The following ST3GAL1 variants were observed in gnomAD, a reference collection of about 807,000 sequenced individuals.
ST3GAL1 encodes the protein ST3 beta-galactoside alpha-2,3-sialyltransferase 1.
Under a neutral mutation model 34.1 loss-of-function variants are expected in ST3GAL1, and 16 were observed. That is an observed-to-expected ratio of 0.47 (90% CI 0.32 to 0.71). The LOEUF (loss-of-function observed/expected upper bound fraction) is 0.71. ST3GAL1 is among the 30% of genes least tolerant of loss of function. The pLI is 0.04. For synonymous variants in ST3GAL1, 191 were observed against 184.7 expected, an observed-to-expected ratio of 1.03 and a Z score of -0.28; for missense variants, 353 against 447.4, an observed-to-expected ratio of 0.79 and a Z score of 1.90.
chr8:133,481,435 G>GCTT (rs1313171010), intron 3 of ST3GAL1, among the ~76,000 whole-genome samples: 1 of 152,122 alleles, frequency 6.6e-6, no homozygotes, highest in Non-Finnish European at 1.5e-5. Context: ...ATCACCGTAA[G>GCTT]CTTAACTTTT....
chr8:133,518,923 G>C (rs1170380393), intron 2 of ST3GAL1, among the ~76,000 whole-genome samples: 3 of 152,312 alleles, frequency 2.0e-5, no homozygotes, highest in Middle Eastern at 3.4e-3. Flanking sequence ...CAAGGCTCTG[G>C]AGGAGAATCT....
At chr8:133,562,209 CT>C (rs35234056) in intron 1 of ST3GAL1, among the ~76,000 whole-genome samples, 67,435 of 113,032 alleles carry the variant, frequency 0.6, 17,777 homozygotes, top group Middle Eastern at 0.72. Flanking sequence ...GAATCCACAT[CT>C]TTTTTTTTTT....
At chr8:133,528,026 T>A (rs1332989483) in intron 2 of ST3GAL1, among the ~76,000 whole-genome samples, 16 of 146,944 alleles carry the variant, frequency 1.1e-4, no homozygotes, top group Admixed American at 2.7e-4. Flanking sequence ...AAAAAAAAAA[T>A]TAGCTGGGTG....
chr8:133,521,635 C>T (rs773157563), intron 2 of ST3GAL1, among the ~76,000 whole-genome samples: 1 of 152,172 alleles, frequency 6.6e-6, no homozygotes, highest in Non-Finnish European at 1.5e-5. Flanking sequence ...TAGAGAGCTC[C>T]TCCTGCATGC....
chr8:133,460,556 T>C (rs1815460528), intron 9 of ST3GAL1, among the ~76,000 whole-genome samples: 1 of 152,250 alleles, frequency 6.6e-6, no homozygotes, highest in Admixed American at 6.5e-5. Flanking sequence ...TGTGCATTTA[T>C]TCTGAGCCCA....
intron 8 of ST3GAL1, among the ~76,000 whole-genome samples, 189 bp from the exon 9 acceptor site, chr8:133,462,183 G>C (rs962204961): frequency 6.6e-6 from 1 of 152,194 alleles, no homozygotes; most frequent in Non-Finnish European, 1.5e-5. Flanking sequence ...AGACAGAGGT[G>C]CTGAGCTAAT....
chr8:133,514,859 G>A (rs112741464), intron 2 of ST3GAL1, among the ~76,000 whole-genome samples: 24 of 152,052 alleles, frequency 1.6e-4, no homozygotes, highest in African/African-American at 1.4e-4. Flanking sequence ...TCAATCCTGT[G>A]GGGGTACTCA....
At chr8:133,506,110 G>A (rs1043118316) in intron 2 of ST3GAL1, among the ~76,000 whole-genome samples, 1 of 152,186 alleles carries the variant, frequency 6.6e-6, no homozygotes, top group Non-Finnish European at 1.5e-5. Context: ...CCGACATAGA[G>A]CATTTCCATC....
chr8:133,493,911 C>T (rs1816863430), intron 3 of ST3GAL1, among the ~76,000 whole-genome samples: 1 of 151,328 alleles, frequency 6.6e-6, no homozygotes. Flanking sequence ...CTCTGGGGTT[C>T]TGACTCTTTT....
At chr8:133,473,180 C>T (rs984994151) in intron 5 of ST3GAL1, among the ~76,000 whole-genome samples, 4 of 152,102 alleles carry the variant, frequency 2.6e-5, no homozygotes, top group African/African-American at 9.7e-5. Flanking sequence ...CCTTTTTAAC[C>T]CTCCTGGGCG....
intron 2 of ST3GAL1, among the ~76,000 whole-genome samples, chr8:133,525,818 A>T (rs1287213624): frequency 6.6e-6 from 1 of 152,192 alleles, no homozygotes; most frequent in East Asian, 1.9e-4. Context: ...CAGAGTGGAC[A>T]CTGGGAGTGG....
chr8:133,563,890 C>T lies in ST3GAL1; in HGVS notation c.-582+7803G>A, dbSNP rs374867362. ...CTCTTCCTGCCTCCTTATGAATAAC[C>T]GTGTAAGGCTGTCATCAAGGGAGTC... On this transcript the variant is annotated intron_variant, in intron 1 of 9. Transcript: ENST00000522652. Among the ~76,000 whole-genome samples, 35 of 152,208 alleles carry T rather than the reference C, an allele frequency of 2.3e-4. No individual in the cohort carries two copies. The East Asian group carries it at 3.1e-3, about 13-fold the overall frequency.
At chr8:133,510,927 CT>C (rs1817484494) in intron 2 of ST3GAL1, among the ~76,000 whole-genome samples, 1 of 152,162 alleles carries the variant, frequency 6.6e-6, no homozygotes, top group Non-Finnish European at 1.5e-5. Flanking sequence ...ATCTTTGGCT[CT>C]TTTTTCCTAA....
chr8:133,542,103 ACACACACACC>A (rs1371175060), intron 2 of ST3GAL1, among the ~76,000 whole-genome samples: 2 of 141,476 alleles, frequency 1.4e-5, no homozygotes, highest in African/African-American at 5.4e-5. Context: ...CCACACACAC[ACACACACACC>A]CACGCACACA....
intron 2 of ST3GAL1, among the ~76,000 whole-genome samples, chr8:133,517,931 T>C (rs1033249289): frequency 2.6e-5 from 4 of 152,226 alleles, no homozygotes; most frequent in East Asian, 3.8e-4. Context: ...ACATTATCCA[T>C]AGGACGATCT....
chr8:133,513,833 A>G (rs978026841), intron 2 of ST3GAL1, among the ~76,000 whole-genome samples: 1 of 151,636 alleles, frequency 6.6e-6, no homozygotes. Context: ...CAGGAGGTGG[A>G]GGTTGCAGTG....
chr8:133,473,850 C>G (rs1426024304), intron 5 of ST3GAL1, among the ~76,000 whole-genome samples: 3 of 152,188 alleles, frequency 2.0e-5, no homozygotes, highest in Non-Finnish European at 4.4e-5. Context: ...TAAGGCTGAT[C>G]CTGCCCCACA....
chr8:133,496,755 A>G (rs1300072256), intron 3 of ST3GAL1, among the ~76,000 whole-genome samples: 1 of 152,218 alleles, frequency 6.6e-6, no homozygotes, highest in Non-Finnish European at 1.5e-5. Context: ...TCTCTCGGCC[A>G]TAATGGGCTC....
chr8:133,508,115 G>T lies in ST3GAL1; in HGVS notation c.-428-8926C>A, dbSNP rs1202086248. Among the ~76,000 whole-genome samples the T allele has an allele frequency of 6.6e-6, 1 of 152,106 alleles. No individual in the cohort carries two copies. The highest frequency in any genetic ancestry group is 1.5e-5 in the Non-Finnish European group (1 of 68,034). On this transcript the variant is annotated intron_variant, in intron 2 of 9. Coordinates refer to ENST00000522652, the MANE Select transcript of ST3GAL1 (RefSeq NM_173344.3). The surrounding 1 kb of genome is among the most constrained non-coding windows in gnomAD (Gnocchi z 4.1). Reference sequence around the variant, plus strand: ...TTTCCTTCAGTTTCCCCCACTGATGGTAAGTACTAGAGTTGAAAAAAAGGC... The same window carrying T: ...TTTCCTTCAGTTTCCCCCACTGATGTTAAGTACTAGAGTTGAAAAAAAGGC...
Sources: gnomAD v4.1 joint callset for allele counts (sites outside exome capture counted in the v4.1 genomes callset) on GRCh38, gnomAD v4.1.1 for gene constraint, Gnocchi (gnomAD v3.1) non-coding constraint, MANE v1.5 for transcripts, NCBI Gene and HGNC (gene_info 2026-07-23, HGNC 2026-07-21) for gene names.